The following SPOP variants were observed in gnomAD, a reference collection of about 807,000 sequenced individuals.
The protein encoded by SPOP is speckle type BTB/POZ protein, also known as speckle-type POZ protein.
SPOP carries 11 observed loss-of-function variants against 45.6 expected under a neutral mutation model. That is an observed-to-expected ratio of 0.24 (90% confidence interval 0.15 to 0.40). The LOEUF (loss-of-function observed/expected upper bound fraction) is 0.40, where lower values mean the gene tolerates loss of function less well. SPOP is among the 10% of genes least tolerant of loss of function. The pLI is 1.00. For missense variants in SPOP, 152 were observed against 465.6 expected (o/e 0.33, Z 6.20); for synonymous variants, 166 against 166.3 (o/e 1.00, Z 0.01).
At chr17:49,644,724 A>G (rs761128495) in intron 1 of SPOP, among the ~76,000 whole-genome samples, 4 of 152,210 alleles carry the variant, frequency 2.6e-5, no homozygotes, top group African/African-American at 4.8e-5. Context: ...GAACTTATAT[A>G]CATATAAATA....
chr17:49,637,485 G>A (rs1012467029), intron 1 of SPOP, among the ~76,000 whole-genome samples: 1 of 152,012 alleles, frequency 6.6e-6, no homozygotes, highest in African/African-American at 2.4e-5. Flanking sequence ...CAAGTAGGTG[G>A]GATTACAGGT....
At chr17:49,608,126 G>A (rs895895676) in intron 6 of SPOP, among the ~76,000 whole-genome samples, 197 bp from the exon 7 acceptor site, 1 of 152,012 alleles carries the variant, frequency 6.6e-6, no homozygotes, top group Admixed American at 6.6e-5. Flanking sequence ...ATACATAAAG[G>A]AAAATAAGAA....
intron 1 of SPOP, among the ~76,000 whole-genome samples, chr17:49,633,906 T>C (rs2072496846): frequency 6.6e-6 from 1 of 151,710 alleles, no homozygotes; most frequent in Non-Finnish European, 1.5e-5. Flanking sequence ...AGCAGAATAA[T>C]GGCCGCAACA....
intron 5 of SPOP, among the ~76,000 whole-genome samples, chr17:49,616,967 C>T (rs931882444): frequency 1.3e-5 from 2 of 152,188 alleles, no homozygotes; most frequent in African/African-American, 4.8e-5. Context: ...AGGGAGAGAG[C>T]GAGCGAGCTG....
chr17:49,675,322 A>G (rs1385507264), intron 1 of SPOP, among the ~76,000 whole-genome samples: 2 of 152,254 alleles, frequency 1.3e-5, no homozygotes, highest in East Asian at 1.9e-4. Context: ...ACTACATGGA[A>G]TGATCACCAA....
At chr17:49,673,464 C>T (rs2073163165) in intron 1 of SPOP, among the ~76,000 whole-genome samples, 1 of 151,868 alleles carries the variant, frequency 6.6e-6, no homozygotes, top group Admixed American at 6.6e-5. Flanking sequence ...CAAGATCGCG[C>T]CACTGCACTC....
Position 49,602,016 on chromosome 17 carries a change from C to T in SPOP, c.838-9G>A, listed in dbSNP as rs755480488. On this transcript the variant is annotated splice_polypyrimidine_tract_variant and intron_variant, in intron 8 of 9. Coordinates refer to ENST00000504102, the MANE Select transcript of SPOP (RefSeq NM_001007228.2). ...AAGCGCTCCAGGGCATACTGTAAAACACAAGCACTGCTGTCATCAGAGCAG... is the reference window on the plus strand; with the variant it reads ...AAGCGCTCCAGGGCATACTGTAAAATACAAGCACTGCTGTCATCAGAGCAG... 1.2e-5 allele frequency: 19 copies of T among 1,613,688 alleles called. No individual in the cohort carries two copies. The African/African-American group carries it at 2.4e-4, about 20-fold the overall frequency.
intron 1 of SPOP, among the ~76,000 whole-genome samples, chr17:49,653,328 T>C (rs960004323): frequency 6.6e-6 from 1 of 152,014 alleles, no homozygotes; most frequent in South Asian, 2.1e-4. Context: ...CAAATCCCTC[T>C]CTAAAGCCTT....
At chr17:49,614,575 T>C (rs1320867397) in intron 5 of SPOP, among the ~76,000 whole-genome samples, 1 of 152,164 alleles carries the variant, frequency 6.6e-6, no homozygotes. Context: ...TTATTGGTCA[T>C]ATTTTTAGGT....
intron 1 of SPOP, among the ~76,000 whole-genome samples, chr17:49,627,132 A>G (rs188406708): frequency 8.5e-4 from 129 of 152,300 alleles, no homozygotes; most frequent in African/African-American, 3.0e-3. Flanking sequence ...TACAGGCATG[A>G]GCCACCACGC....
chr17:49,607,188 T>A, intron 8 of SPOP, 62 bp downstream of exon 8: 1 of 1,608,694 alleles, frequency 6.2e-7, no homozygotes, highest in Non-Finnish European at 8.5e-7. Flanking sequence ...AGAATCCTGT[T>A]CATGAAACAC....
At chr17:49,616,903 C>T (rs971465370) in intron 5 of SPOP, among the ~76,000 whole-genome samples, 3 of 152,242 alleles carry the variant, frequency 2.0e-5, no homozygotes, top group Non-Finnish European at 4.4e-5. Context: ...AGTCAAGGCA[C>T]ATCTAAACTT....
chr17:49,625,789 A>G (rs188982662), intron 1 of SPOP, among the ~76,000 whole-genome samples: 4 of 152,196 alleles, frequency 2.6e-5, no homozygotes, highest in African/African-American at 9.7e-5. Flanking sequence ...ACAACAACAA[A>G]AAACAGCCTT....
intron 5 of SPOP, among the ~76,000 whole-genome samples, chr17:49,617,735 C>T (rs953989160): frequency 6.6e-6 from 1 of 151,830 alleles, no homozygotes; most frequent in Admixed American, 6.6e-5. Context: ...ACCAGCCTGG[C>T]CAACATGGTA....
intron 5 of SPOP, 57 bp downstream of exon 5, chr17:49,618,924 C>A: frequency 6.4e-7 from 1 of 1,560,494 alleles, no homozygotes; most frequent in Non-Finnish European, 8.6e-7. Context: ...ATAATTAAGT[C>A]TACCAATACT....
chr17:49,677,785 A>C (rs1272418923), intron 1 of SPOP, 148 bp downstream of exon 1: 1 of 366,230 alleles, frequency 2.7e-6, no homozygotes, highest in Non-Finnish European at 4.7e-6. Context: ...AGGCCACGTA[A>C]TCCGGGTGTA....
At chr17:49,606,797 CTT>C (rs1462895286) in intron 8 of SPOP, among the ~76,000 whole-genome samples, 1 of 151,998 alleles carries the variant, frequency 6.6e-6, no homozygotes, top group Non-Finnish European at 1.5e-5. Context: ...TGCCTGGCCT[CTT>C]GTTTCTTTTT....
chr17:49,677,581 A>C (rs1418449391), intron 1 of SPOP, among the ~76,000 whole-genome samples: 36 of 152,062 alleles, frequency 2.4e-4, no homozygotes, highest in Admixed American at 2.4e-3. Context: ...CCCCCGGGGC[A>C]GCGAAGAAGC....
chr17:49,604,180 G>A (rs934543097), intron 8 of SPOP, among the ~76,000 whole-genome samples: 6 of 152,148 alleles, frequency 3.9e-5, no homozygotes, highest in Non-Finnish European at 5.9e-5. Context: ...TTTATAAAAG[G>A]CAGTTATTGG....
Sources: gnomAD v4.1 joint callset for allele counts (sites outside exome capture counted in the v4.1 genomes callset) on GRCh38, gnomAD v4.1.1 for gene constraint, MANE v1.5 for transcripts, NCBI Gene and HGNC (gene_info 2026-07-23, HGNC 2026-07-21) for gene names.